Variants in IFT57 observed in about 807,000 individuals in gnomAD.
IFT57 encodes the protein intraflagellar transport protein 57 homolog.
IFT57 carries 59 observed loss-of-function variants against 56.8 expected under a neutral mutation model. The ratio of observed to expected loss-of-function variants is 1.04; its 90% CI spans 0.84 to 1.29. IFT57 has a LOEUF of 1.29. IFT57 is among the 50% of genes most tolerant of loss of function. The pLI, the probability that IFT57 is intolerant of heterozygous loss-of-function variation, is 0.00. For synonymous variants in IFT57, 209 were observed against 186.1 expected (o/e 1.12, Z -1.00); for missense variants, 470 against 522.1 (o/e 0.90, Z 0.97).
intron 6 of IFT57, among the ~76,000 whole-genome samples, chr3:108,177,917 A>G (rs1213698688): frequency 6.6e-6 from 1 of 151,848 alleles, no homozygotes; most frequent in Non-Finnish European, 1.5e-5. Flanking sequence ...TGACATAATT[A>G]TAAATCAGAA....
rs565225525 is a variant in IFT57 at position 108,161,411 on chromosome 3, G to GA, written c.*1065dup. 1 of 151,118 alleles carries GA rather than the reference G, an allele frequency of 6.6e-6. No homozygotes were observed. The highest frequency in any genetic ancestry group is 1.5e-5 in the Non-Finnish European group (1 of 67,758). The allele number at this position is 151,118 out of a possible 1,614,324, so 9.4% of individuals were successfully genotyped here. ...AATACATCTAGAAAGAAAAAGCTAA[G>GA]AAAAAAATAATAATATTCAGTGGAG... On this transcript the variant is annotated 3_prime_UTR_variant, in exon 11 of 11. Transcript: ENST00000264538.
At chr3:108,169,669 G>A (rs965305670) in intron 6 of IFT57, among the ~76,000 whole-genome samples, 7 of 151,938 alleles carry the variant, frequency 4.6e-5, no homozygotes, top group African/African-American at 1.7e-4. Flanking sequence ...TGTATAAGGT[G>A]TAAGGAAGGG....
At chr3:108,211,666 C>T (rs1289769) in intron 4 of IFT57, among the ~76,000 whole-genome samples, 118,692 of 152,214 alleles carry the variant, frequency 0.78, 47,288 homozygotes, top group Non-Finnish European at 0.86. Flanking sequence ...CATTAAAAAA[C>T]ATCTTTTAAA....
intron 6 of IFT57, among the ~76,000 whole-genome samples, chr3:108,187,687 T>C (rs1396227915): frequency 6.6e-6 from 1 of 151,648 alleles, no homozygotes; most frequent in Non-Finnish European, 1.5e-5. Flanking sequence ...ACATATTTGA[T>C]CCAGAGCCAA....
At chr3:108,198,471 T>C (rs112640629) in intron 5 of IFT57, among the ~76,000 whole-genome samples, 255 of 152,294 alleles carry the variant, frequency 1.7e-3, no homozygotes, top group African/African-American at 5.8e-3. Flanking sequence ...AGACAGGGTC[T>C]CGCTCTGTCA....
intron 5 of IFT57, among the ~76,000 whole-genome samples, chr3:108,198,701 A>G (rs1171464822): frequency 1.3e-5 from 2 of 152,154 alleles, no homozygotes; most frequent in Non-Finnish European, 2.9e-5. Flanking sequence ...CATGGCCCTC[A>G]AAGTGCTGGG....
intron 3 of IFT57, among the ~76,000 whole-genome samples, chr3:108,218,160 A>C (rs992225357): frequency 6.6e-6 from 1 of 151,932 alleles, no homozygotes; most frequent in East Asian, 1.9e-4. Flanking sequence ...ATTAATTTCC[A>C]TTTTTCCTTA....
chr3:108,178,699 A>C (rs1252440546), intron 6 of IFT57, among the ~76,000 whole-genome samples: 1 of 151,932 alleles, frequency 6.6e-6, no homozygotes, highest in Non-Finnish European at 1.5e-5. Context: ...ATATCATAAC[A>C]TACCTACCAC....
intron 4 of IFT57, among the ~76,000 whole-genome samples, chr3:108,212,466 G>A (rs924795018): frequency 1.3e-5 from 2 of 152,102 alleles, no homozygotes; most frequent in African/African-American, 4.8e-5. Context: ...GGCCATGTGA[G>A]GTGCCTGCTC....
At chr3:108,190,661 C>T (rs1012237511) in intron 6 of IFT57, among the ~76,000 whole-genome samples, 2 of 152,106 alleles carry the variant, frequency 1.3e-5, no homozygotes, top group African/African-American at 4.8e-5. Context: ...TATAGCAGTA[C>T]AAAAACGAAC....
At chr3:108,163,465 G>A (rs1277632638) in intron 10 of IFT57, among the ~76,000 whole-genome samples, 198 bp downstream of exon 10, 1 of 152,052 alleles carries the variant, frequency 6.6e-6, no homozygotes, top group African/African-American at 2.4e-5. Context: ...CTAAATTATA[G>A]TTAAAAAGCC....
chr3:108,207,840 G>A (rs934337326), intron 4 of IFT57, among the ~76,000 whole-genome samples: 6 of 152,034 alleles, frequency 3.9e-5, no homozygotes, highest in East Asian at 1.9e-4. Flanking sequence ...TCAGGAGATC[G>A]AGACCATCCT....
At position 108,219,442 on chromosome 3, in the gene IFT57, T is replaced by C; in HGVS notation, c.343A>G (p.Ile115Val). The C allele has an allele frequency of 6.2e-7, 1 of 1,613,924 alleles. No individual in the cohort carries two copies. The highest frequency in any genetic ancestry group is 8.5e-7 in the Non-Finnish European group (1 of 1,179,796). ...CGAAGCTCGGATAGTATGTTAGATA[T>C]TGTTGCATTAGGGTCATCATATTCT... ...PQEYDDPNAT[I>V]SNILSELRSF... The change falls in exon 2 of 11, where the codon ATA becomes GTA. Residue 115 changes from isoleucine (I) to valine (V), a missense_variant. Coordinates refer to ENST00000264538, the MANE Select transcript of IFT57 (RefSeq NM_018010.4).
intron 4 of IFT57, among the ~76,000 whole-genome samples, chr3:108,210,330 A>ATTTTTTTT (rs1560125468): frequency 9.5e-6 from 1 of 105,536 alleles, no homozygotes; most frequent in African/African-American, 3.1e-5. Context: ...GTCAGAAATA[A>ATTTTTTTT]TCTTTTTTTT....
chr3:108,193,102 T>A (rs1477492096), intron 5 of IFT57, among the ~76,000 whole-genome samples: 1 of 152,236 alleles, frequency 6.6e-6, no homozygotes, highest in East Asian at 1.9e-4. Flanking sequence ...AACAACCTCA[T>A]GATGAAATTA....
chr3:108,178,768 T>C (rs138031898), intron 6 of IFT57, among the ~76,000 whole-genome samples: 114 of 151,898 alleles, frequency 7.5e-4, no homozygotes, highest in Middle Eastern at 3.4e-3. Context: ...TATGAAGCAA[T>C]TGGAACTTCA....
chr3:108,202,726 A>G (rs983720378), intron 5 of IFT57, among the ~76,000 whole-genome samples: 2 of 152,220 alleles, frequency 1.3e-5, no homozygotes, highest in Non-Finnish European at 2.9e-5. Context: ...TGGCAAAATC[A>G]TAATTGGGGT....
At chr3:108,172,243 G>A (rs2080097561) in intron 6 of IFT57, among the ~76,000 whole-genome samples, 1 of 151,732 alleles carries the variant, frequency 6.6e-6, no homozygotes, top group Non-Finnish European at 1.5e-5. Context: ...CTTGGCTGAG[G>A]GAGTAACATG....
At chr3:108,180,448 C>A (rs948489442) in intron 6 of IFT57, among the ~76,000 whole-genome samples, 3 of 151,902 alleles carry the variant, frequency 2.0e-5, no homozygotes, top group East Asian at 1.9e-4. Flanking sequence ...TGCTGAGTAA[C>A]CACAGTGGAA....
Sources: gnomAD v4.1 joint callset for allele counts (sites outside exome capture counted in the v4.1 genomes callset) on GRCh38, gnomAD v4.1.1 for gene constraint, MANE v1.5 for transcripts, NCBI Gene and HGNC (gene_info 2026-07-23, HGNC 2026-07-21) for gene names.